Variants in TDRD7 observed in about 807,000 individuals in gnomAD.
TDRD7 encodes tudor domain containing 7, also known as tudor domain-containing protein 7.
In TDRD7, 47 loss-of-function variants were observed where a neutral mutation model predicts 109.8. The ratio of observed to expected loss-of-function variants is 0.43; its 90% CI spans 0.34 to 0.55. The LOEUF (loss-of-function observed/expected upper bound fraction) is 0.55, where lower values mean the gene tolerates loss of function less well. TDRD7 is among the 20% of genes least tolerant of loss of function. TDRD7 has a pLI of 0.03. For synonymous variants in TDRD7, 424 were observed against 457.3 expected, an observed-to-expected ratio of 0.93 and a Z score of 0.93; for missense variants, 1,164 against 1,319.2, an observed-to-expected ratio of 0.88 and a Z score of 1.82.
chr9:97,495,544 G>A, intron 16 of TDRD7, 119 bp from the exon 17 acceptor site: 1 of 983,222 alleles, frequency 1.0e-6, no homozygotes, highest in Non-Finnish European at 1.6e-6. Flanking sequence ...GTTCAGGCAA[G>A]TCTAACCTGG....
intron 13 of TDRD7, chr9:97,480,204 CTG>C (rs1829092381): frequency 6.5e-6 from 1 of 152,784 alleles, no homozygotes; most frequent in African/African-American, 2.4e-5. Flanking sequence ...TTTTTAGCCT[CTG>C]TTGTAGCCAT....
Position 97,475,785 on chromosome 9 carries a change from A to C in TDRD7, c.2166+316A>C, listed in dbSNP as rs536942728. 2.0e-5 allele frequency among the ~76,000 whole-genome samples: 3 copies of C among 152,336 alleles called. No individual in the cohort carries two copies. The South Asian group carries it at 6.2e-4, about 32-fold the overall frequency. On this transcript the variant is annotated intron_variant, in intron 12 of 16. Transcript: ENST00000355295. Reference sequence around the variant, plus strand: ...AATATTTAAATAGTGGAAATATATTAATGAATATGTGTATATAATATAAAG... The same window carrying C: ...AATATTTAAATAGTGGAAATATATTCATGAATATGTGTATATAATATAAAG...
At chr9:97,416,738 A>G (rs1827818034) in intron 1 of TDRD7, among the ~76,000 whole-genome samples, 1 of 152,136 alleles carries the variant, frequency 6.6e-6, no homozygotes, top group African/African-American at 2.4e-5. Context: ...TGCCTTTAAT[A>G]GCTCACCTAT....
chr9:97,457,398 A>G (rs192791598), intron 6 of TDRD7, among the ~76,000 whole-genome samples: 2 of 151,642 alleles, frequency 1.3e-5, no homozygotes, highest in East Asian at 3.9e-4. Flanking sequence ...TTTTTTTTTG[A>G]GACAGAGTCT....
Position 97,472,580 on chromosome 9 carries a change from A to G in TDRD7, c.1944+85A>G, listed in dbSNP as rs140358231. 159 of 1,132,634 alleles carry G rather than the reference A, an allele frequency of 1.4e-4. 1 individual carries two copies. In the East Asian group the frequency reaches 3.6e-3, roughly 26 times the overall value. The allele number at this position is 1,132,634 out of a possible 1,614,324, so 70.2% of individuals were successfully genotyped here. The stretch of plus-strand genomic sequence containing the variant: ...GAATATTATACATTTTAGGCTAACA[A>G]TTGATAGAGACAGATTACATTTACA... On this transcript the variant is annotated intron_variant, in intron 10 of 16. Transcript: ENST00000355295.
At chr9:97,447,687 C>T (rs1466179160) in intron 6 of TDRD7, among the ~76,000 whole-genome samples, 1 of 152,202 alleles carries the variant, frequency 6.6e-6, no homozygotes, top group Non-Finnish European at 1.5e-5. Context: ...AGTCCCCCTA[C>T]CCTCCCTGCA....
chr9:97,420,082 G>A (rs538045441), intron 1 of TDRD7, among the ~76,000 whole-genome samples: 87 of 151,954 alleles, frequency 5.7e-4, no homozygotes, highest in Middle Eastern at 3.4e-3. Flanking sequence ...AATGATCAAG[G>A]CAACTTTATT....
chr9:97,416,786 TG>T (rs1827818577), intron 1 of TDRD7, among the ~76,000 whole-genome samples: 2 of 151,724 alleles, frequency 1.3e-5, no homozygotes, highest in Admixed American at 6.6e-5. Context: ...AGAAAAGGAG[TG>T]GTAGGTGGAT....
At chr9:97,476,107 A>G (rs1829013646) in intron 12 of TDRD7, among the ~76,000 whole-genome samples, 1 of 152,166 alleles carries the variant, frequency 6.6e-6, no homozygotes, top group African/African-American at 2.4e-5. Flanking sequence ...GGGAATGCAT[A>G]TCTTCAATTT....
chr9:97,425,820 G>A (rs1200396029), intron 1 of TDRD7, among the ~76,000 whole-genome samples: 1 of 152,176 alleles, frequency 6.6e-6, no homozygotes, highest in Non-Finnish European at 1.5e-5. Flanking sequence ...TGCATTGTTA[G>A]GCAGTTTCAT....
intron 12 of TDRD7, among the ~76,000 whole-genome samples, chr9:97,476,476 G>A (rs1829020674): frequency 6.7e-6 from 1 of 150,314 alleles, no homozygotes; most frequent in South Asian, 2.1e-4. Flanking sequence ...AGCACTTTGG[G>A]AGGCCAAGGC....
chr9:97,428,089 C>A (rs113145995), intron 1 of TDRD7, among the ~76,000 whole-genome samples: 19 of 152,254 alleles, frequency 1.2e-4, no homozygotes, highest in African/African-American at 4.6e-4. Context: ...TTCTCTCTCA[C>A]CTCTGTGCAC....
chr9:97,468,267 T>A (rs1416895693), intron 8 of TDRD7, among the ~76,000 whole-genome samples: 1 of 152,098 alleles, frequency 6.6e-6, no homozygotes, highest in African/African-American at 2.4e-5. Flanking sequence ...CCCTTCAGTA[T>A]TTACATGGAG....
At chr9:97,459,679 T>C (rs926308143) in intron 6 of TDRD7, among the ~76,000 whole-genome samples, 8 of 152,258 alleles carry the variant, frequency 5.3e-5, no homozygotes, top group Admixed American at 2.6e-4. Flanking sequence ...ACTGTACTTA[T>C]CTCTGGAGCA....
At position 97,464,825 on chromosome 9, in the gene TDRD7, T is replaced by A; in HGVS notation, c.1443-17T>A. ...CTAGGTTACTTCATTTGCATTCTCT[T>A]CTTTTAACTGATTCAGGTATGTGGG... On this transcript the variant is annotated splice_polypyrimidine_tract_variant and intron_variant, in intron 7 of 16. Coordinates refer to ENST00000355295, the MANE Select transcript of TDRD7 (RefSeq NM_014290.3). The A allele has an allele frequency of 6.2e-7, 1 of 1,614,084 alleles. No individual in the cohort carries two copies. Among genetic ancestry groups the A allele is most frequent in the Non-Finnish European group, 8.5e-7 (1 of 1,179,932 alleles).
chr9:97,413,552 C>A (rs538427100), intron 1 of TDRD7, among the ~76,000 whole-genome samples: 3 of 152,232 alleles, frequency 2.0e-5, no homozygotes, highest in Non-Finnish European at 2.9e-5. Context: ...AGGGCAGGGA[C>A]ACAAAGATCT....
rs1828112866 is a variant in TDRD7, at chr9:97,432,069, T to A, written c.394T>A (p.Phe132Ile). 4 of 1,613,704 alleles carry A rather than the reference T, an allele frequency of 2.5e-6. No homozygotes were observed. The highest frequency in any genetic ancestry group is 3.3e-5 in the Admixed American group (2 of 59,958). ...TLRQPGFASN[F>I]SVGKKPNPAP... Reference sequence around the variant, plus strand: ...CAGACAACCAGGATTTGCTTCAAATTTTTCTGTTGGCAAAAAACCTAATCC... The same window carrying A: ...CAGACAACCAGGATTTGCTTCAAATATTTCTGTTGGCAAAAAACCTAATCC... Residue 132 changes from phenylalanine (F) to isoleucine (I), a missense_variant, in exon 4 of 17, where the codon TTT becomes ATT. By Grantham distance (21) the Phe-to-Ile change is conservative. This residue lies in a region of TDRD7 where 407 missense variants were observed against 394.0 expected (regional missense o/e 1.03). Coordinates refer to ENST00000355295, the MANE Select transcript of TDRD7 (RefSeq NM_014290.3).
At chr9:97,467,183 A>G (rs1185773324) in intron 8 of TDRD7, among the ~76,000 whole-genome samples, 2 of 152,234 alleles carry the variant, frequency 1.3e-5, no homozygotes, top group Non-Finnish European at 2.9e-5. Flanking sequence ...AGGAAGTTCA[A>G]CAAAAGCTAA....
chr9:97,459,387 G>A (rs1298098111), intron 6 of TDRD7, among the ~76,000 whole-genome samples: 3 of 151,992 alleles, frequency 2.0e-5, no homozygotes, highest in Non-Finnish European at 2.9e-5. Flanking sequence ...TCATTTTTTA[G>A]CCCATGAGCC....
Sources: allele counts gnomAD v4.1 joint callset (sites outside exome capture counted in the v4.1 genomes callset), GRCh38; gene constraint gnomAD v4.1.1; regional missense constraint gnomAD v4.1.1; transcripts MANE v1.5; gene names NCBI Gene and HGNC (gene_info 2026-07-23, HGNC 2026-07-21).